Variants in DENND2A observed in about 807,000 individuals in gnomAD.
DENND2A encodes DENN domain containing 2A, also known as DENN domain-containing protein 2A.
Under a neutral mutation model 105.3 loss-of-function variants are expected in DENND2A, and 53 were observed. The observed-to-expected ratio is 0.50, with a 90% CI of 0.40 to 0.63. DENND2A has a LOEUF of 0.63. DENND2A is among the 30% of genes least tolerant of loss of function. DENND2A has a pLI of 0.00. For missense variants in DENND2A, 1,138 were observed against 1,279.6 expected (o/e 0.89, Z 1.69); for synonymous variants, 522 against 508.4 (o/e 1.03, Z -0.36).
At chr7:140,579,831 T>C (rs1326656815) in intron 5 of DENND2A, among the ~76,000 whole-genome samples, 1 of 152,052 alleles carries the variant, frequency 6.6e-6, no homozygotes, top group Non-Finnish European at 1.5e-5. Context: ...TAAATACACA[T>C]ATACAAGATG....
At chr7:140,571,312 C>A (rs1441981445) in intron 6 of DENND2A, among the ~76,000 whole-genome samples, 1 of 152,068 alleles carries the variant, frequency 6.6e-6, no homozygotes, top group African/African-American at 2.4e-5. Flanking sequence ...GTGTGTGCCA[C>A]CATGCCCAGC....
chr7:140,577,489 G>T (rs953294613), intron 5 of DENND2A, among the ~76,000 whole-genome samples: 1 of 150,738 alleles, frequency 6.6e-6, no homozygotes, highest in Non-Finnish European at 1.5e-5. Flanking sequence ...CCTCCACCTC[G>T]CGGGTTCAAG....
intron 14 of DENND2A, among the ~76,000 whole-genome samples, chr7:140,540,029 G>A (rs898714411): frequency 9.8e-5 from 15 of 152,364 alleles, no homozygotes; most frequent in African/African-American, 1.9e-4. Context: ...CAGGGCCAAC[G>A]GCTAAGGATG....
At chr7:140,535,797 G>C (rs1796434543) in intron 14 of DENND2A, among the ~76,000 whole-genome samples, 1 of 151,916 alleles carries the variant, frequency 6.6e-6, no homozygotes, top group Non-Finnish European at 1.5e-5. Flanking sequence ...GGTCAGGCTG[G>C]TCTCAAACTC....
chr7:140,552,664 C>G (rs555062511), intron 12 of DENND2A, among the ~76,000 whole-genome samples: 22 of 152,086 alleles, frequency 1.4e-4, no homozygotes, highest in Non-Finnish European at 2.5e-4. Flanking sequence ...TCCCAAAGTA[C>G]TAGGATTACA....
chr7:140,580,939 C>A (rs1798517111), intron 5 of DENND2A, among the ~76,000 whole-genome samples: 1 of 151,550 alleles, frequency 6.6e-6, no homozygotes. Context: ...GCCCGGCCAC[C>A]CAGCTTGTTA....
intron 5 of DENND2A, 144 bp downstream of exon 5, chr7:140,585,445 A>G: frequency 9.0e-7 from 1 of 1,107,060 alleles, no homozygotes; most frequent in Non-Finnish European, 1.3e-6. Flanking sequence ...GAGGAAGACC[A>G]GTCAGCCAGC....
intron 14 of DENND2A, among the ~76,000 whole-genome samples, chr7:140,540,555 G>T (rs4236489): frequency 6.6e-6 from 1 of 151,974 alleles, no homozygotes; most frequent in Admixed American, 6.6e-5. Flanking sequence ...GTCCACTCTC[G>T]GCCACTGGAC....
At chr7:140,525,587 C>T (rs931021053) in intron 16 of DENND2A, among the ~76,000 whole-genome samples, 164 bp downstream of exon 16, 1 of 152,156 alleles carries the variant, frequency 6.6e-6, no homozygotes, top group African/African-American at 2.4e-5. Context: ...CTTTTTGCCC[C>T]TTGCCTTCTG....
chr7:140,542,070 A>G (rs1014011936), intron 14 of DENND2A, among the ~76,000 whole-genome samples: 8 of 149,848 alleles, frequency 5.3e-5, no homozygotes, highest in Admixed American at 5.3e-4. Flanking sequence ...TGTTTTTGGC[A>G]CTGCTTCTTT....
intron 14 of DENND2A, among the ~76,000 whole-genome samples, chr7:140,540,648 T>C (rs2130509010): frequency 6.6e-6 from 1 of 152,248 alleles, no homozygotes; most frequent in East Asian, 1.9e-4. Context: ...CCCGGAAATC[T>C]GTCCAGCAAA....
intron 1 of DENND2A, among the ~76,000 whole-genome samples, chr7:140,629,266 T>C (rs1160783360): frequency 1.3e-5 from 2 of 152,120 alleles, no homozygotes; most frequent in African/African-American, 2.4e-5. Context: ...GCAAATGTTA[T>C]GAAACAAATA....
intron 12 of DENND2A, among the ~76,000 whole-genome samples, chr7:140,548,738 C>T (rs1395692543): frequency 4.0e-5 from 6 of 151,434 alleles, no homozygotes; most frequent in African/African-American, 7.2e-5. Flanking sequence ...CTCAGCCTCC[C>T]GAGTAGCTGG....
intron 5 of DENND2A, among the ~76,000 whole-genome samples, chr7:140,581,892 A>C (rs1798560995): frequency 6.6e-6 from 1 of 152,150 alleles, no homozygotes; most frequent in Admixed American, 6.5e-5. Flanking sequence ...GACAAGAAGA[A>C]AAGGGTTGGT....
chr7:140,629,966 TGCTGCCTCA>T (rs565334441), intron 1 of DENND2A, among the ~76,000 whole-genome samples: 140 of 151,824 alleles, frequency 9.2e-4, no homozygotes, highest in African/African-American at 3.2e-3. Context: ...CAAGCAATTC[TGCTGCCTCA>T]GCCTCCCGAG....
intron 1 of DENND2A, among the ~76,000 whole-genome samples, chr7:140,623,514 G>T (rs1800381069): frequency 6.6e-6 from 1 of 151,310 alleles, no homozygotes; most frequent in Admixed American, 6.6e-5. Context: ...CAGATTACGA[G>T]GTCAGGAGTT....
intron 3 of DENND2A, among the ~76,000 whole-genome samples, chr7:140,598,650 T>C (rs1799371200): frequency 6.6e-6 from 1 of 150,396 alleles, no homozygotes; most frequent in Non-Finnish European, 1.5e-5. Flanking sequence ...AAAATAAGAG[T>C]TTTCTTAAAT....
At chr7:140,566,002 T>A (rs1797819927) in intron 9 of DENND2A, among the ~76,000 whole-genome samples, 1 of 152,184 alleles carries the variant, frequency 6.6e-6, no homozygotes, top group Non-Finnish European at 1.5e-5. Flanking sequence ...GTTTAGCATA[T>A]AATCAAGAAA....
rs905978617 is a variant in DENND2A at position 140,571,692 on chromosome 7, T to A, written c.1447-1954A>T. On this transcript the variant is annotated intron_variant, in intron 6 of 19. Coordinates refer to ENST00000496613, the MANE Select transcript of DENND2A (RefSeq NM_015689.5). ...GGATTTACAAAATGTGGTATATACATACGATGGAATACCATTTAGTCTTAA... is the reference window on the plus strand; with the variant it reads ...GGATTTACAAAATGTGGTATATACAAACGATGGAATACCATTTAGTCTTAA... 7.9e-5 allele frequency among the ~76,000 whole-genome samples: 12 copies of A among 152,246 alleles called. No individual in the cohort carries two copies. The South Asian group carries it at 2.5e-3, about 32-fold the overall frequency.
Sources: gnomAD v4.1 joint callset for allele counts (sites outside exome capture counted in the v4.1 genomes callset) on GRCh38, gnomAD v4.1.1 for gene constraint, MANE v1.5 for transcripts, NCBI Gene and HGNC (gene_info 2026-07-23, HGNC 2026-07-21) for gene names.